Variants in ESRRG observed in about 807,000 individuals in gnomAD.
ESRRG encodes the protein estrogen-related receptor gamma.
A neutral mutation model predicts 44.0 loss-of-function variants in ESRRG; 13 were observed. The observed-to-expected ratio is 0.30, with a 90% CI of 0.19 to 0.47. The LOEUF (loss-of-function observed/expected upper bound fraction) is 0.47, where lower values mean the gene tolerates loss of function less well. ESRRG is among the 20% of genes least tolerant of loss of function. ESRRG has a pLI of 1.00. For missense variants in ESRRG, 395 were observed against 580.6 expected (o/e 0.68, Z 3.29); for synonymous variants, 215 against 214.6 (o/e 1.00, Z -0.02).
intron 2 of ESRRG, among the ~76,000 whole-genome samples, chr1:216,676,717 G>T (rs1368404100): frequency 1.3e-5 from 2 of 152,122 alleles, no homozygotes; most frequent in Admixed American, 1.3e-4. Flanking sequence ...TTATTTCCAT[G>T]CATCTGTAAG....
At position 217,031,336 on chromosome 1, in the gene ESRRG, A is replaced by G. The variant is rs541832565; in HGVS notation, c.-106+58171T>C. Among the ~76,000 whole-genome samples the G allele has an allele frequency of 3.3e-5, 5 of 152,246 alleles. No individual in the cohort carries two copies. In the South Asian group the frequency reaches 1.0e-3, roughly 32 times the overall value. On this transcript the variant is annotated intron_variant, in intron 1 of 7. Coordinates refer to the ESRRG transcript ENST00000359162. ...GCACTGAGAGAGAATTCCCCTACCA[A>G]TCTTCATATTCCCACCATTGTCCTA... is the stretch of plus-strand genomic sequence containing the variant.
intron 3 of ESRRG, among the ~76,000 whole-genome samples, chr1:216,587,795 A>G (rs930720078): frequency 1.3e-5 from 2 of 152,212 alleles, no homozygotes; most frequent in Non-Finnish European, 2.9e-5. Flanking sequence ...AAACAGGGAG[A>G]GCCTGCAGTT....
intron 3 of ESRRG, among the ~76,000 whole-genome samples, chr1:216,569,298 AAAG>A (rs2060359229): frequency 6.6e-6 from 1 of 151,992 alleles, no homozygotes; most frequent in African/African-American, 2.4e-5. Context: ...GAAGGAAGGA[AAAG>A]AAGAGCTTCC....
At chr1:217,133,631 T>C (rs12142579) in intron 1 of ESRRG, among the ~76,000 whole-genome samples, 7,481 of 57,178 alleles carry the variant, frequency 0.13, 464 homozygotes, top group African/African-American at 0.26. Context: ...CTTTCTTTCT[T>C]TCTCTCTCTC....
At chr1:217,081,282 C>T (rs2091754717) in intron 1 of ESRRG, among the ~76,000 whole-genome samples, 1 of 111,178 alleles carries the variant, frequency 9.0e-6, no homozygotes, top group African/African-American at 3.5e-5. Context: ...GGCTGGAGTG[C>T]AATGGCACAA....
At position 216,503,702 on chromosome 1, in the gene ESRRG, G is replaced by A. The variant is rs941339850; in HGVS notation, c.*3237C>T. The A allele has an allele frequency of 2.6e-5, 4 of 152,454 alleles. No homozygotes were observed. Among genetic ancestry groups the A allele is most frequent in the African/African-American group, 9.7e-5 (4 of 41,398 alleles). The allele number at this position is 152,454 out of a possible 1,614,324, so 9.4% of individuals were successfully genotyped here. The stretch of plus-strand genomic sequence containing the variant: ...TTTCTCTTCTATAAGAAAAATAGCA[G>A]TTTTAAATTTTTTATATCTTTTATG... On this transcript the variant is annotated 3_prime_UTR_variant, in exon 7 of 7. Transcript: ENST00000408911.
At chr1:216,509,982 T>G (rs2042247451) in intron 6 of ESRRG, among the ~76,000 whole-genome samples, 1 of 152,246 alleles carries the variant, frequency 6.6e-6, no homozygotes, top group Admixed American at 6.5e-5. Flanking sequence ...GTAATTTATT[T>G]TGTTTTCATT....
At chr1:216,620,916 T>C (rs12122051) in intron 3 of ESRRG, among the ~76,000 whole-genome samples, 30,066 of 152,140 alleles carry the variant, frequency 0.2, 3,780 homozygotes, top group Non-Finnish European at 0.29. Context: ...TCTCTAGATA[T>C]GTTTGGCTTA....
chr1:216,598,196 A>T (rs2058709650), intron 3 of ESRRG, among the ~76,000 whole-genome samples: 1 of 152,208 alleles, frequency 6.6e-6, no homozygotes, highest in South Asian at 2.1e-4. Flanking sequence ...TATAGGAAAT[A>T]TAGAACTGTG....
rs2041028591 is a variant in ESRRG at position 216,505,431 on chromosome 1, C to G, written c.*1508G>C. The G allele has an allele frequency of 6.6e-6, 1 of 152,520 alleles. No homozygotes were observed. Among genetic ancestry groups the G allele is most frequent in the Admixed American group, 6.6e-5 (1 of 15,258 alleles). 9.4% of individuals were successfully genotyped at this position (152,520 alleles called of 1,614,324 possible). A position where few individuals can be genotyped will look rare whatever the true frequency, so the allele number is the denominator to read the frequency against. Reference sequence around the variant, plus strand: ...TATGGATTAGGTTTTAGAATTTGGTCAGGCATTTTCTGTCTTTGATGATTT... The same window carrying G: ...TATGGATTAGGTTTTAGAATTTGGTGAGGCATTTTCTGTCTTTGATGATTT... On this transcript the variant is annotated 3_prime_UTR_variant, in exon 7 of 7. Coordinates refer to ENST00000408911, the MANE Select transcript of ESRRG (RefSeq NM_001438.4).
At chr1:216,957,215 A>C (rs1486700011) in intron 1 of ESRRG, among the ~76,000 whole-genome samples, 1 of 152,106 alleles carries the variant, frequency 6.6e-6, no homozygotes, top group Non-Finnish European at 1.5e-5. Flanking sequence ...TAAAGAAGCC[A>C]AGTCCTTGGA....
chr1:217,120,401 A>G (rs891940709), intron 1 of ESRRG, among the ~76,000 whole-genome samples: 1 of 152,028 alleles, frequency 6.6e-6, no homozygotes, highest in African/African-American at 2.4e-5. Context: ...TAACAAGTCT[A>G]GTATCATCCA....
At chr1:216,621,058 A>G (rs954351301) in intron 3 of ESRRG, among the ~76,000 whole-genome samples, 6 of 152,202 alleles carry the variant, frequency 3.9e-5, no homozygotes, top group African/African-American at 1.4e-4. Context: ...TCCAATGAAT[A>G]TGGATAAGAT....
chr1:217,031,047 A>G (rs1252153115), intron 1 of ESRRG, among the ~76,000 whole-genome samples: 1 of 152,182 alleles, frequency 6.6e-6, no homozygotes, highest in East Asian at 1.9e-4. Flanking sequence ...TCTAAAGGAG[A>G]GTTTGGCAAA....
chr1:216,624,594 GA>G (rs1234770537), intron 3 of ESRRG, among the ~76,000 whole-genome samples: 1 of 152,030 alleles, frequency 6.6e-6, no homozygotes, highest in Non-Finnish European at 1.5e-5. Flanking sequence ...GAGACAAAGG[GA>G]AAAAAACTGC....
intron 2 of ESRRG, among the ~76,000 whole-genome samples, chr1:216,837,103 A>AT (rs34901658): frequency 0.3 from 44,687 of 150,304 alleles, 7,404 homozygotes; most frequent in African/African-American, 0.45. Flanking sequence ...GATATATTCT[A>AT]TTTTTTTTTT....
At chr1:217,093,021 AC>A (rs1340251287), upstream of ESRRG, among the ~76,000 whole-genome samples, 2 of 152,150 alleles carry the variant, frequency 1.3e-5, no homozygotes, top group African/African-American at 4.8e-5. Flanking sequence ...TAATTGTAGT[AC>A]TTGAAAAGCT....
chr1:216,930,850 G>A (rs1288607882), intron 2 of ESRRG, among the ~76,000 whole-genome samples: 2 of 152,124 alleles, frequency 1.3e-5, no homozygotes, highest in Admixed American at 6.5e-5. Flanking sequence ...CCAAAAAGAA[G>A]GAACTGCAAA....
At chr1:216,835,194 A>C (rs567229630) in intron 2 of ESRRG, among the ~76,000 whole-genome samples, 5 of 152,112 alleles carry the variant, frequency 3.3e-5, no homozygotes, top group Non-Finnish European at 5.9e-5. Flanking sequence ...TGAAAGAAAA[A>C]CTTCAGCTGA....
Sources: allele counts gnomAD v4.1 joint callset (sites outside exome capture counted in the v4.1 genomes callset), GRCh38; gene constraint gnomAD v4.1.1; transcripts MANE v1.5; gene names NCBI Gene and HGNC (gene_info 2026-07-23, HGNC 2026-07-21).